The following ZFPM2 variants were observed in gnomAD, a reference collection of about 807,000 sequenced individuals.
ZFPM2 encodes the protein zinc finger protein ZFPM2.
ZFPM2 carries 20 observed loss-of-function variants against 98.6 expected under a neutral mutation model. That is an observed-to-expected ratio of 0.20 (90% CI 0.14 to 0.29). ZFPM2 has a LOEUF of 0.29. Among genes scored for constraint, ZFPM2 ranks in the 10% least tolerant of loss-of-function variants. The pLI is 1.00. For missense variants in ZFPM2, 1,310 were observed against 1,388.6 expected (o/e 0.94, Z 0.90); for synonymous variants, 518 against 502.7 (o/e 1.03, Z -0.41).
At chr8:105,549,919 GTAT>G (rs1265744409) in intron 3 of ZFPM2, among the ~76,000 whole-genome samples, 1 of 145,190 alleles carries the variant, frequency 6.9e-6, no homozygotes, top group Non-Finnish European at 1.5e-5. Flanking sequence ...CAGCCTAAAT[GTAT>G]CATTTCTTAG....
At chr8:105,793,884 C>T (rs1055127464) in intron 6 of ZFPM2, among the ~76,000 whole-genome samples, 1 of 151,652 alleles carries the variant, frequency 6.6e-6, no homozygotes, top group Admixed American at 6.5e-5. Context: ...CCTGAGGCTT[C>T]TGCATTCTTC....
chr8:105,320,975 G>A (rs1172598464), intron 1 of ZFPM2, among the ~76,000 whole-genome samples: 1 of 152,150 alleles, frequency 6.6e-6, no homozygotes, highest in Non-Finnish European at 1.5e-5. Flanking sequence ...TTATTTATAT[G>A]CATGTAATAC....
intron 1 of ZFPM2, among the ~76,000 whole-genome samples, chr8:105,397,153 C>G (rs1293638843): frequency 6.6e-6 from 1 of 152,124 alleles, no homozygotes; most frequent in East Asian, 1.9e-4. Context: ...CTTCCATCCC[C>G]CTCTATCATA....
chr8:105,701,412 TCTAAAA>T (rs1811138718), intron 5 of ZFPM2, among the ~76,000 whole-genome samples: 2 of 152,192 alleles, frequency 1.3e-5, no homozygotes, highest in Non-Finnish European at 2.9e-5. Flanking sequence ...TTAGAGTTAT[TCTAAAA>T]GCATATGTAA....
chr8:105,764,117 C>A (rs775816267), intron 5 of ZFPM2, among the ~76,000 whole-genome samples: 2 of 151,686 alleles, frequency 1.3e-5, no homozygotes, highest in Non-Finnish European at 2.9e-5. Flanking sequence ...TGGTAAGTAT[C>A]CAGGACTCTC....
chr8:105,680,568 G>A (rs561346627), intron 5 of ZFPM2, among the ~76,000 whole-genome samples: 17 of 152,242 alleles, frequency 1.1e-4, no homozygotes, highest in African/African-American at 3.6e-4. Context: ...CATGAGACAA[G>A]TAGGAATTGG....
intron 5 of ZFPM2, among the ~76,000 whole-genome samples, chr8:105,682,219 C>T (rs77362000): frequency 2.0e-5 from 3 of 152,094 alleles, no homozygotes; most frequent in Non-Finnish European, 4.4e-5. Flanking sequence ...AGGAAGGGAA[C>T]CAATTGGTGG....
At chr8:105,571,589 A>G (rs1815355342) in intron 4 of ZFPM2, among the ~76,000 whole-genome samples, 1 of 152,182 alleles carries the variant, frequency 6.6e-6, no homozygotes, top group Admixed American at 6.5e-5. Flanking sequence ...ACTGATTTCA[A>G]AACAATTAGT....
intron 5 of ZFPM2, among the ~76,000 whole-genome samples, chr8:105,655,173 T>G (rs1817257895): frequency 6.6e-6 from 1 of 152,004 alleles, no homozygotes; most frequent in Admixed American, 6.5e-5. Context: ...TGCATGTTTA[T>G]TTCATCGACT....
intron 5 of ZFPM2, among the ~76,000 whole-genome samples, chr8:105,714,788 T>C (rs1345452865): frequency 6.6e-6 from 1 of 152,050 alleles, no homozygotes; most frequent in Non-Finnish European, 1.5e-5. Flanking sequence ...TAGGCATTCG[T>C]TTATTGTTTT....
chr8:105,693,606 A>G (rs1810943332), intron 5 of ZFPM2, among the ~76,000 whole-genome samples: 2 of 152,250 alleles, frequency 1.3e-5, no homozygotes. Context: ...ATATGTGCTC[A>G]TCATAAATCT....
chr8:105,343,862 A>G lies in ZFPM2; in HGVS notation c.40+24881A>G, dbSNP rs114897066. Among the ~76,000 whole-genome samples, 499 of 152,236 alleles carry G rather than the reference A, an allele frequency of 3.3e-3. 1 individual carries two copies. Among genetic ancestry groups the G allele is most frequent in the African/African-American group, 0.011 (469 of 41,536 alleles). On this transcript the variant is annotated intron_variant, in intron 1 of 7. Coordinates refer to ENST00000407775, the MANE Select transcript of ZFPM2 (RefSeq NM_012082.4). ...TTTCATTCAGTTCAATTTTAGAAGG[A>G]TTTAGTTGGTACCTATTGTATTAGT...
intron 1 of ZFPM2, among the ~76,000 whole-genome samples, chr8:105,396,018 T>C (rs1482275076): frequency 6.6e-6 from 1 of 152,216 alleles, no homozygotes; most frequent in African/African-American, 2.4e-5. Flanking sequence ...AAGCTTGTGA[T>C]TTTTATTACA....
chr8:105,795,264 G>GTGTGTGTGTGTA (rs1813761644), intron 6 of ZFPM2, among the ~76,000 whole-genome samples: 1 of 151,162 alleles, frequency 6.6e-6, no homozygotes, highest in African/African-American at 2.4e-5. Context: ...GTGTGTGTGT[G>GTGTGTGTGTGTA]TGTGTGTGTG....
At chr8:105,435,222 T>G (rs1812096973) in intron 2 of ZFPM2, among the ~76,000 whole-genome samples, 1 of 152,210 alleles carries the variant, frequency 6.6e-6, no homozygotes, top group Non-Finnish European at 1.5e-5. Context: ...TGATATCTTT[T>G]AAAAGAGTAA....
rs1204483143 is a variant in ZFPM2 at position 105,393,986 on chromosome 8, T to C, written c.41-25158T>C. Among the ~76,000 whole-genome samples, 8 of 151,384 alleles carry C rather than the reference T, an allele frequency of 5.3e-5. No homozygotes were observed. The East Asian group carries it at 9.8e-4, about 19-fold the overall frequency. On this transcript the variant is annotated intron_variant, in intron 1 of 7. Transcript: ENST00000407775. ...TTGGCTCACTGCAAGCTCCGCTTCCTGGGTTCACGCCATTCTCCTGCCTCA... is the reference window on the plus strand; with the variant it reads ...TTGGCTCACTGCAAGCTCCGCTTCCCGGGTTCACGCCATTCTCCTGCCTCA...
chr8:105,465,650 T>A (rs1367518384), intron 3 of ZFPM2, among the ~76,000 whole-genome samples: 2 of 151,968 alleles, frequency 1.3e-5, no homozygotes, highest in Non-Finnish European at 2.9e-5. Context: ...GCCAACTATT[T>A]GCAATATTTT....
At chr8:105,402,735 T>C (rs938361038) in intron 1 of ZFPM2, among the ~76,000 whole-genome samples, 2 of 152,094 alleles carry the variant, frequency 1.3e-5, no homozygotes, top group African/African-American at 4.8e-5. Context: ...AAAATCCTTT[T>C]ATCTTTAGCT....
At chr8:105,569,720 A>G (rs1815315492) in intron 4 of ZFPM2, among the ~76,000 whole-genome samples, 1 of 152,148 alleles carries the variant, frequency 6.6e-6, no homozygotes, top group Non-Finnish European at 1.5e-5. Context: ...TAGATCCCTC[A>G]CTATGACATG....
Sources: allele counts gnomAD v4.1 joint callset (sites outside exome capture counted in the v4.1 genomes callset), GRCh38; gene constraint gnomAD v4.1.1; transcripts MANE v1.5; gene names NCBI Gene and HGNC (gene_info 2026-07-23, HGNC 2026-07-21).